The following LRRC73 variants were observed in gnomAD, a reference collection of about 807,000 sequenced individuals.
LRRC73 encodes leucine-rich repeat-containing protein 73.
Under a neutral mutation model 26.4 loss-of-function variants are expected in LRRC73, and 16 were observed. The ratio of observed to expected loss-of-function variants is 0.61; its 90% confidence interval spans 0.41 to 0.92. LRRC73 has a LOEUF of 0.92. LRRC73 is among the 40% of genes least tolerant of loss of function. The pLI, the probability that LRRC73 is intolerant of heterozygous loss-of-function variation, is 0.00. For missense variants in LRRC73, 344 were observed against 416.3 expected (o/e 0.83, Z 1.51); for synonymous variants, 210 against 179.8 (o/e 1.17, Z -1.34).
At chr6:43,507,456 C>G (rs1479536789) in exon 5 of LRRC73, 3 of 1,612,846 alleles carry the variant, frequency 1.9e-6, no homozygotes, top group South Asian at 1.1e-5. Flanking sequence ...GGGTTCTTAC[C>G]GCTGGGGCAC....
At chr6:43,507,991 C>G (rs904357623) in intron 3 of LRRC73, 65 bp from the exon 4 acceptor site, 121 of 1,410,094 alleles carry the variant, frequency 8.6e-5, no homozygotes, top group Non-Finnish European at 1.1e-4. Flanking sequence ...GATAGCTTCC[C>G]CATTGCCTTA....
exon 1 of LRRC73, chr6:43,509,677 C>T (rs763085040): frequency 6.3e-7 from 1 of 1,593,302 alleles, no homozygotes; most frequent in Non-Finnish European, 8.5e-7. Flanking sequence ...AGGCGGCAGC[C>T]GCGCAGTGAG....
chr6:43,508,461 A>T, intron 2 of LRRC73, 41 bp from the exon 3 acceptor site: 2 of 1,611,854 alleles, frequency 1.2e-6, no homozygotes, highest in Non-Finnish European at 8.5e-7. Context: ...AGGGAGGGTT[A>T]AGCCCTCCTC....
At chr6:43,507,271 T>C (rs759716891) in exon 6 of LRRC73, 1 of 1,613,928 alleles carries the variant, frequency 6.2e-7, no homozygotes, top group South Asian at 1.1e-5. Flanking sequence ...GACTGTCCCC[T>C]AGTCCTGACG....
exon 1 of LRRC73, chr6:43,509,601 T>C (rs764072258): frequency 4.4e-6 from 7 of 1,607,514 alleles, no homozygotes; most frequent in South Asian, 1.1e-5. Flanking sequence ...CAGGTTAAGG[T>C]TGAGCTGCGC....
intron 2 of LRRC73, 106 bp from the exon 3 acceptor site, chr6:43,508,526 AC>A: frequency 6.5e-7 from 1 of 1,526,892 alleles, no homozygotes; most frequent in African/African-American, 1.4e-5. Flanking sequence ...GCTGGGCACC[AC>A]CTTACCCCCA....
chr6:43,508,852 G>A, exon 2 of LRRC73: 1 of 1,612,992 alleles, frequency 6.2e-7, no homozygotes, highest in Non-Finnish European at 8.5e-7. Flanking sequence ...AGCCACGAGG[G>A]CAGGGTGGAG....
chr6:43,507,919 A>T, exon 4 of LRRC73: 1 of 1,613,890 alleles, frequency 6.2e-7, no homozygotes. Flanking sequence ...TTCCTGCCAC[A>T]TGGTCACCTG....
At chr6:43,509,462 G>C (rs925673308) in intron 1 of LRRC73, 52 bp downstream of exon 1, 4 of 1,549,936 alleles carry the variant, frequency 2.6e-6, no homozygotes, top group African/African-American at 1.4e-5. Context: ...TGCCAGGGGA[G>C]TGTATGGAAG....
At chr6:43,509,874 C>T in exon 1 of LRRC73, 1 of 1,231,244 alleles carries the variant, frequency 8.1e-7, no homozygotes, top group South Asian at 2.1e-5. Context: ...GGGGTCGGGG[C>T]CCCGGCAGGG....
exon 1 of LRRC73, chr6:43,509,851 C>G (rs532372359): frequency 7.3e-7 from 1 of 1,366,318 alleles, no homozygotes; most frequent in Non-Finnish European, 9.4e-7. Flanking sequence ...CGGGCGGGGC[C>G]GGGGATAGGG....
Position 43,508,436 on chromosome 6 carries a change from G to A in LRRC73, c.434-16C>T. The A allele has an allele frequency of 6.2e-7, 1 of 1,613,322 alleles. No individual in the cohort carries two copies. Among genetic ancestry groups the A allele is most frequent in the Non-Finnish European group, 8.5e-7 (1 of 1,179,886 alleles). On this transcript the variant is annotated splice_polypyrimidine_tract_variant and intron_variant, in intron 2 of 5. Coordinates refer to ENST00000372441, the Ensembl canonical transcript of LRRC73. ...TCCTTCAAGCCTGGGCAGCATCATA[G>A]CAAGAAACCAGAATAGGGAGGGTTA...
exon 2 of LRRC73, chr6:43,508,894 G>A (rs770675998): frequency 1.2e-6 from 2 of 1,609,342 alleles, no homozygotes; most frequent in East Asian, 2.2e-5. Context: ...GGCCAGCCCC[G>A]CATCTGTCAG....
At chr6:43,509,756 C>T in exon 1 of LRRC73, 1 of 1,583,806 alleles carries the variant, frequency 6.3e-7, no homozygotes, top group South Asian at 1.1e-5. Flanking sequence ...ACAGCGGCTC[C>T]CCCGAAATCT....
chr6:43,510,273 C>G (rs538218382), exon 1 of LRRC73: 20 of 153,424 alleles, frequency 1.3e-4, no homozygotes, highest in African/African-American at 4.8e-4. Flanking sequence ...GACCACCCCG[C>G]GGGCCTGGCC....
exon 2 of LRRC73, chr6:43,508,914 A>T (rs1216576645): frequency 6.2e-7 from 1 of 1,603,244 alleles, no homozygotes; most frequent in South Asian, 1.1e-5. Context: ...GGGGGCTCCC[A>T]TGCAGGCTGG....
exon 1 of LRRC73, chr6:43,509,931 AGGCTGCGGCTGC>A (rs1474876247): frequency 3.5e-6 from 2 of 572,994 alleles, no homozygotes; most frequent in Non-Finnish European, 5.1e-6. Context: ...GCTGTGGCGG[AGGCTGCGGCTGC>A]GGCGGAGGCT....
intron 2 of LRRC73, 27 bp from the exon 3 acceptor site, chr6:43,508,447 G>C (rs1333710047): frequency 6.2e-7 from 1 of 1,612,794 alleles, no homozygotes; most frequent in African/African-American, 1.3e-5. Flanking sequence ...CAAGAAACCA[G>C]AATAGGGAGG....
chr6:43,507,412 A>C, intron 5 of LRRC73, 44 bp downstream of exon 5: 1 of 1,610,620 alleles, frequency 6.2e-7, no homozygotes, highest in Non-Finnish European at 8.5e-7. Context: ...CCTTGTCCCG[A>C]GCCTCTTCCA....
Sources: gnomAD v4.1 joint callset for allele counts on GRCh38, gnomAD v4.1.1 for gene constraint, MANE v1.5 for transcripts, NCBI Gene and HGNC (gene_info 2026-07-23, HGNC 2026-07-21) for gene names.